The following STK3 variants were observed in gnomAD, a reference collection of about 807,000 sequenced individuals.
The protein encoded by STK3 is serine/threonine kinase 3.
In STK3, 41 loss-of-function variants were observed where a neutral mutation model predicts 58.0. That is an observed-to-expected ratio of 0.71 (90% confidence interval 0.55 to 0.92). The LOEUF (loss-of-function observed/expected upper bound fraction) is 0.92. STK3 is among the 40% of genes least tolerant of loss of function. The probability of loss-of-function intolerance (pLI) is 0.00; values close to 1 mark genes in which losing one functional copy is unlikely to be tolerated. For synonymous variants in STK3, 170 were observed against 191.0 expected, an observed-to-expected ratio of 0.89 and a Z score of 0.91; for missense variants, 479 against 602.7, an observed-to-expected ratio of 0.79 and a Z score of 2.15.
At chr8:98,723,581 T>A (rs1827591141) in intron 4 of STK3, among the ~76,000 whole-genome samples, 1 of 152,132 alleles carries the variant, frequency 6.6e-6, no homozygotes, top group Non-Finnish European at 1.5e-5. Flanking sequence ...CACACAAAAT[T>A]AAGAATTTTA....
chr8:98,373,846 T>A (rs1817641627), intron 2 of STK3, among the ~76,000 whole-genome samples: 1 of 152,204 alleles, frequency 6.6e-6, no homozygotes, highest in South Asian at 2.1e-4. Flanking sequence ...CTTGCCGAAG[T>A]CACACAACTA....
At chr8:98,356,095 T>C in the STK3 span, among the ~76,000 whole-genome samples, 1 of 152,198 alleles carries the variant, frequency 6.6e-6, no homozygotes, top group Non-Finnish European at 1.5e-5. Flanking sequence ...CTACCATGGG[T>C]GATACCATGC....
rs756145972 is a variant in STK3, at chr8:98,564,755, A to T, written c.948+14909T>A. 2.0e-5 allele frequency among the ~76,000 whole-genome samples: 3 copies of T among 152,264 alleles called. No individual in the cohort carries two copies. The South Asian group carries it at 6.2e-4, about 32-fold the overall frequency. On this transcript the variant is annotated intron_variant, in intron 8 of 10. Coordinates refer to ENST00000419617, the MANE Select transcript of STK3 (RefSeq NM_006281.4). ...CTGTAAATATGTATAATCGTTATAT[A>T]TCAATTTTTTTTAAAAAAGAGAAGC... is the stretch of plus-strand genomic sequence containing the variant.
intron 3 of STK3, among the ~76,000 whole-genome samples, chr8:98,756,798 A>C (rs1830312215): frequency 6.6e-6 from 1 of 152,142 alleles, no homozygotes; most frequent in East Asian, 1.9e-4. Flanking sequence ...ATGCACACCA[A>C]CCTATCTAAA....
chr8:98,773,093 A>G (rs1428195849), intron 2 of STK3, among the ~76,000 whole-genome samples: 1 of 152,176 alleles, frequency 6.6e-6, no homozygotes, highest in Admixed American at 6.5e-5. Context: ...ACATACAGGT[A>G]CTTTATATAT....
intron 9 of STK3, among the ~76,000 whole-genome samples, chr8:98,535,327 T>C (rs10955184): frequency 0.4 from 61,485 of 152,020 alleles, 12,755 homozygotes; most frequent in East Asian, 0.54. Context: ...ACAAAAACAA[T>C]AGAAACTACA....
intron 1 of STK3, among the ~76,000 whole-genome samples, chr8:98,822,381 G>A (rs750181547): frequency 2.0e-5 from 3 of 152,038 alleles, no homozygotes; most frequent in Admixed American, 1.3e-4. Context: ...CACAATCATA[G>A]CTCACTGAAA....
In STK3 at chr8:98,800,150, A is replaced by G. The variant is rs1833430095; in HGVS notation, c.27-25331T>C. On this transcript the variant is annotated intron_variant, in intron 1 of 10. Coordinates refer to ENST00000419617, the MANE Select transcript of STK3 (RefSeq NM_006281.4). The surrounding 1 kb of genome is among the most constrained non-coding windows in gnomAD (Gnocchi z 4.8). ...CTCGCCTTTGGACCCTATATTTTTAACCTCCTTGTTTTGTTTCCTCTAGAA... is the reference window on the plus strand; with the variant it reads ...CTCGCCTTTGGACCCTATATTTTTAGCCTCCTTGTTTTGTTTCCTCTAGAA... Among the ~76,000 whole-genome samples the G allele has an allele frequency of 6.6e-6, 1 of 151,938 alleles. No individual in the cohort carries two copies. The highest frequency in any genetic ancestry group is 6.5e-5 in the Admixed American group (1 of 15,272).
At chr8:98,487,206 T>C (rs1421163553) in intron 10 of STK3, among the ~76,000 whole-genome samples, 1 of 152,112 alleles carries the variant, frequency 6.6e-6, no homozygotes, top group East Asian at 1.9e-4. Flanking sequence ...AGGTAATAAA[T>C]TCAATGAGAA....
chr8:98,697,872 A>C (rs1325799427), intron 6 of STK3, among the ~76,000 whole-genome samples: 2 of 152,152 alleles, frequency 1.3e-5, no homozygotes, highest in African/African-American at 2.4e-5. Flanking sequence ...GTAGATGTCT[A>C]TTAGGTCTGC....
chr8:98,883,341 G>T, downstream of STK3: 1 of 244,890 alleles, frequency 4.1e-6, no homozygotes, highest in Non-Finnish European at 8.1e-6. Flanking sequence ...CATTCATTGG[G>T]GCTTGATGAG....
chr8:98,547,287 G>A (rs1478160249), intron 9 of STK3, among the ~76,000 whole-genome samples: 1 of 152,156 alleles, frequency 6.6e-6, no homozygotes, highest in Non-Finnish European at 1.5e-5. Context: ...AAATCACAAT[G>A]ACCTACGATG....
rs17310375 is a variant in STK3, at chr8:98,385,807, A to T, written n.56+2385T>A. ...ATCAAGTCACTATTTTTATGGCCTG[A>T]GTTTGGGTCCTGAAATTCACCAGCG... is the stretch of plus-strand genomic sequence containing the variant. On this transcript the variant is annotated intron_variant and non_coding_transcript_variant, in intron 1 of 2. Transcript: ENST00000518704. Among the ~76,000 whole-genome samples, 158 of 152,130 alleles carry T rather than the reference A, an allele frequency of 1.0e-3. 1 individual carries two copies. Among genetic ancestry groups the T allele is most frequent in the African/African-American group, 3.6e-3 (151 of 41,506 alleles).
chr8:98,564,402 C>T (rs1379827152), intron 8 of STK3, among the ~76,000 whole-genome samples: 1 of 151,940 alleles, frequency 6.6e-6, no homozygotes, highest in Non-Finnish European at 1.5e-5. Context: ...TGAAATTAGC[C>T]AAGCACAGAA....
chr8:98,847,691 T>G (rs1011788347), intron 3 of STK3, among the ~76,000 whole-genome samples: 1 of 152,002 alleles, frequency 6.6e-6, no homozygotes, highest in African/African-American at 2.4e-5. Context: ...AGCCAGGATC[T>G]TTTTCCCTCT....
intron 6 of STK3, among the ~76,000 whole-genome samples, chr8:98,612,443 C>CTA (rs1042628964): frequency 2.0e-5 from 3 of 148,092 alleles, no homozygotes; most frequent in Admixed American, 6.8e-5. Flanking sequence ...TATATCAATT[C>CTA]TATATATATA....
chr8:98,901,946 C>G (rs191418231), intron 1 of STK3, among the ~76,000 whole-genome samples: 3 of 152,362 alleles, frequency 2.0e-5, no homozygotes, highest in Non-Finnish European at 4.4e-5. Context: ...CATGTGCCCT[C>G]TACTTCCTTA....
intron 3 of STK3, among the ~76,000 whole-genome samples, chr8:98,851,734 G>A (rs1408062671): frequency 6.6e-6 from 1 of 152,216 alleles, no homozygotes; most frequent in Non-Finnish European, 1.5e-5. Context: ...GTAGAGGCAG[G>A]AGAATCGCTT....
At chr8:98,843,787 C>A (rs868659931) in intron 3 of STK3, among the ~76,000 whole-genome samples, 5 of 152,218 alleles carry the variant, frequency 3.3e-5, no homozygotes, top group Middle Eastern at 3.4e-3. Context: ...GAGGCTGAGG[C>A]GGGTGGATCA....
Sources: gnomAD v4.1 joint callset for allele counts (sites outside exome capture counted in the v4.1 genomes callset) on GRCh38, gnomAD v4.1.1 for gene constraint, Gnocchi (gnomAD v3.1) non-coding constraint, MANE v1.5 for transcripts, NCBI Gene and HGNC (gene_info 2026-07-23, HGNC 2026-07-21) for gene names.